JAZF1: variants seen among roughly 807,000 people sequenced by gnomAD.
JAZF1 encodes the protein JAZF zinc finger 1.
In JAZF1, 8 loss-of-function variants were observed where a neutral mutation model predicts 26.4. That is an observed-to-expected ratio of 0.30 (90% confidence interval 0.18 to 0.55). The LOEUF is 0.55. JAZF1 is among the 20% of genes least tolerant of loss of function. The pLI is 0.94. For missense variants in JAZF1, 199 were observed against 322.0 expected, an observed-to-expected ratio of 0.62 and a Z score of 2.92; for synonymous variants, 126 against 122.3, an observed-to-expected ratio of 1.03 and a Z score of -0.20.
intron 1 of JAZF1, among the ~76,000 whole-genome samples, chr7:28,062,682 C>T (rs1783819576): frequency 6.6e-6 from 1 of 152,198 alleles, no homozygotes; most frequent in African/African-American, 2.4e-5. Flanking sequence ...GCAGTCTGAA[C>T]CCAGCCTTGG....
intron 1 of JAZF1, among the ~76,000 whole-genome samples, chr7:28,016,332 G>C (rs973648710): frequency 5.3e-5 from 8 of 152,184 alleles, no homozygotes; most frequent in East Asian, 1.9e-4. Flanking sequence ...CGACAGAATG[G>C]GGATTCAGAG....
intron 1 of JAZF1, among the ~76,000 whole-genome samples, chr7:28,086,333 C>T (rs1246634123): frequency 1.3e-5 from 2 of 152,192 alleles, no homozygotes; most frequent in South Asian, 2.1e-4. Context: ...TTTACTGTTT[C>T]CGTTTCATTT....
intron 1 of JAZF1, among the ~76,000 whole-genome samples, chr7:28,158,104 C>T (rs1470686017): frequency 6.6e-6 from 1 of 151,726 alleles, no homozygotes; most frequent in East Asian, 1.9e-4. Flanking sequence ...TGAGGGCAGG[C>T]ACTCTGGGCC....
At chr7:28,137,666 C>T (rs1429675898) in intron 1 of JAZF1, among the ~76,000 whole-genome samples, 1 of 152,112 alleles carries the variant, frequency 6.6e-6, no homozygotes, top group African/African-American at 2.4e-5. Context: ...ATGATGCCTC[C>T]CCCTCTCCAC....
chr7:27,833,923 CG>C (rs756093530), intron 4 of JAZF1, among the ~76,000 whole-genome samples: 1 of 152,020 alleles, frequency 6.6e-6, no homozygotes, highest in Non-Finnish European at 1.5e-5. Context: ...GGACGGCGGA[CG>C]TGTGGTATTT....
intron 1 of JAZF1, 37 bp from the exon 2 acceptor site, chr7:27,992,018 T>G (rs201367400): frequency 2.3e-6 from 3 of 1,313,020 alleles, no homozygotes; most frequent in Non-Finnish European, 3.3e-6. Flanking sequence ...TTTTTAGATT[T>G]TGCATCAGAA....
At chr7:28,008,987 G>A (rs1231043340) in intron 1 of JAZF1, among the ~76,000 whole-genome samples, 5 of 152,236 alleles carry the variant, frequency 3.3e-5, no homozygotes, top group South Asian at 2.1e-4. Context: ...TTTCTATCAT[G>A]GTTAAGTAAA....
intron 3 of JAZF1, among the ~76,000 whole-genome samples, chr7:27,881,139 A>G (rs936701929): frequency 1.3e-5 from 2 of 152,158 alleles, no homozygotes; most frequent in Non-Finnish European, 2.9e-5. Flanking sequence ...TTACTTCATA[A>G]TTTTATGGTT....
At chr7:27,913,756 C>T (rs952671969) in intron 2 of JAZF1, among the ~76,000 whole-genome samples, 1 of 151,280 alleles carries the variant, frequency 6.6e-6, no homozygotes, top group African/African-American at 2.4e-5. Flanking sequence ...CTTCTTCTTA[C>T]TATAATTGAA....
At chr7:27,876,833 G>C (rs1040471112) in intron 3 of JAZF1, among the ~76,000 whole-genome samples, 3 of 152,170 alleles carry the variant, frequency 2.0e-5, no homozygotes, top group African/African-American at 7.2e-5. Context: ...TACTCTCCCT[G>C]GAGAGAGGTC....
At position 28,051,150 on chromosome 7, in the gene JAZF1, A is replaced by AAAAAAAC. The variant is rs1562570680; in HGVS notation, c.116-59176_116-59170dup. On this transcript the variant is annotated intron_variant, in intron 1 of 4. Transcript: ENST00000283928. ...CCATCTCAAAAAAAAAAAAAAAAAAAAAAAAACAAAGTCTACTACTATAAC... is the reference window on the plus strand; with the variant it reads ...CCATCTCAAAAAAAAAAAAAAAAAAAAAAAAACAAAAAACAAAGTCTACTACTATAAC... Among the ~76,000 whole-genome samples the AAAAAAAC allele has an allele frequency of 1.7e-3, 229 of 135,550 alleles. 31 individuals carry two copies. The highest frequency in any genetic ancestry group is 1.7e-3 in the African/African-American group (62 of 36,032). The allele number at this position is 135,550 out of a possible 152,430, so 88.9% of individuals were successfully genotyped here. A position where few individuals can be genotyped will look rare whatever the true frequency, so the allele number is the denominator to read the frequency against.
At chr7:28,110,484 AAAGG>A (rs1398261597) in intron 1 of JAZF1, among the ~76,000 whole-genome samples, 3,516 of 56,168 alleles carry the variant, frequency 0.063, 265 homozygotes, top group East Asian at 0.28. Context: ...AAAGGAAAGG[AAAGG>A]AAAGGAAAGG....
intron 2 of JAZF1, among the ~76,000 whole-genome samples, chr7:27,946,853 C>A (rs775607442): frequency 6.6e-6 from 1 of 152,206 alleles, no homozygotes; most frequent in Non-Finnish European, 1.5e-5. Flanking sequence ...AGTCCTTGAA[C>A]TTGTGTCTAC....
At chr7:27,833,431 C>T (rs1436475821) in intron 4 of JAZF1, among the ~76,000 whole-genome samples, 1 of 152,182 alleles carries the variant, frequency 6.6e-6, no homozygotes, top group African/African-American at 2.4e-5. Flanking sequence ...GATTTGGAAA[C>T]TCAATTTACA....
intron 3 of JAZF1, among the ~76,000 whole-genome samples, chr7:27,888,053 A>G (rs938209076): frequency 6.6e-6 from 1 of 152,236 alleles, no homozygotes; most frequent in Non-Finnish European, 1.5e-5. Flanking sequence ...GACCTACAGA[A>G]CACAGGCGGA....
intron 3 of JAZF1, among the ~76,000 whole-genome samples, chr7:27,880,788 C>T (rs1232744325): frequency 6.6e-6 from 1 of 152,152 alleles, no homozygotes; most frequent in Non-Finnish European, 1.5e-5. Context: ...CCTCAGCCTC[C>T]TGAGTAGCTA....
chr7:28,124,626 T>C (rs1463186989), intron 1 of JAZF1, among the ~76,000 whole-genome samples: 1 of 152,188 alleles, frequency 6.6e-6, no homozygotes, highest in Non-Finnish European at 1.5e-5. Context: ...TACCTTCAGT[T>C]CAAAAGACCA....
chr7:27,857,481 G>C (rs1341678351), intron 3 of JAZF1, among the ~76,000 whole-genome samples: 1 of 152,248 alleles, frequency 6.6e-6, no homozygotes. Flanking sequence ...CAGGCTGAAG[G>C]ACTCAAGCGC....
chr7:27,968,504 T>C (rs891461916), intron 2 of JAZF1, among the ~76,000 whole-genome samples: 2 of 152,228 alleles, frequency 1.3e-5, no homozygotes, highest in African/African-American at 2.4e-5. Flanking sequence ...TTTAAATTAA[T>C]AACTTTGACT....
Sources: gnomAD v4.1 joint callset for allele counts (sites outside exome capture counted in the v4.1 genomes callset) on GRCh38, gnomAD v4.1.1 for gene constraint, MANE v1.5 for transcripts, NCBI Gene and HGNC (gene_info 2026-07-23, HGNC 2026-07-21) for gene names.